CPNE2: variants seen among roughly 807,000 people sequenced by gnomAD.
CPNE2 encodes copine-2.
CPNE2 carries 42 observed loss-of-function variants against 69.7 expected under a neutral mutation model. The ratio of observed to expected loss-of-function variants is 0.60; its 90% CI spans 0.47 to 0.78. The LOEUF is 0.78. Ranked by LOEUF, CPNE2 falls within the 30% of genes least tolerant of loss-of-function variation. The pLI, the probability that CPNE2 is intolerant of heterozygous loss-of-function variation, is 0.00. For synonymous variants in CPNE2, 294 were observed against 289.8 expected, an observed-to-expected ratio of 1.01 and a Z score of -0.15; for missense variants, 587 against 732.0, an observed-to-expected ratio of 0.80 and a Z score of 2.29.
chr16:57,126,476 C>T (rs2069802067), intron 11 of CPNE2, among the ~76,000 whole-genome samples: 1 of 151,230 alleles, frequency 6.6e-6, no homozygotes, highest in Non-Finnish European at 1.5e-5. Context: ...CCTCCCATGA[C>T]CTTGCTTCCT....
intron 11 of CPNE2, 23 bp downstream of exon 11, chr16:57,126,016 A>G: frequency 6.2e-7 from 1 of 1,613,316 alleles, no homozygotes; most frequent in Non-Finnish European, 8.5e-7. Context: ...AGGGGCTCTG[A>G]AGGTCAGCTA....
intron 5 of CPNE2, 98 bp downstream of exon 5, chr16:57,117,665 A>C (rs2069729847): frequency 1.0e-5 from 14 of 1,362,654 alleles, no homozygotes; most frequent in Non-Finnish European, 1.1e-5. Flanking sequence ...CACCACCTCC[A>C]TCACATTCTA....
chr16:57,115,214 A>G (rs564768538), intron 3 of CPNE2, among the ~76,000 whole-genome samples: 14 of 152,256 alleles, frequency 9.2e-5, no homozygotes, highest in South Asian at 6.2e-4. Flanking sequence ...GCCTTTTCCT[A>G]GGGGCAAACC....
At chr16:57,123,544 C>T in intron 10 of CPNE2, 71 bp downstream of exon 10, 1 of 1,502,076 alleles carries the variant, frequency 6.7e-7, no homozygotes, top group Non-Finnish European at 9.2e-7. Context: ...ACTTGGGCCA[C>T]TAGTGCAGCC....
intron 1 of CPNE2, among the ~76,000 whole-genome samples, chr16:57,098,703 T>C (rs1196042900): frequency 6.6e-6 from 1 of 152,232 alleles, no homozygotes; most frequent in African/African-American, 2.4e-5. Flanking sequence ...ATGGTTCCTC[T>C]TCCTCTCACC....
At chr16:57,138,562 G>A (rs1259647194) in intron 14 of CPNE2, among the ~76,000 whole-genome samples, 1 of 151,944 alleles carries the variant, frequency 6.6e-6, no homozygotes. Context: ...TGTGTTCCTC[G>A]AGCACTCCTA....
At chr16:57,121,604 A>G (rs763250365) in intron 8 of CPNE2, 70 bp from the exon 9 acceptor site, 20 of 1,456,942 alleles carry the variant, frequency 1.4e-5, no homozygotes, top group Non-Finnish European at 1.9e-5. Context: ...AAGGGATTCT[A>G]GGGCCAAGGA....
In CPNE2 at chr16:57,115,487, C is replaced by A; in HGVS notation, c.372C>A (p.Ser124Arg). Residue 124 changes from serine to arginine, a missense_variant, in exon 4 of 16, where the codon AGC becomes AGA. Ser to Arg is a moderately radical substitution (Grantham distance 110, BLOSUM62 -1). Around this residue, in one of 5 missense-constraint regions of CPNE2, gnomAD observed 269 missense variants for 300.5 expected, o/e 0.90. Coordinates refer to ENST00000290776, the MANE Select transcript of CPNE2 (RefSeq NM_152727.6). The part of the protein sequence containing the change: ...FSCSLGTIVS[S>R]KKITRPLLLL... ...CCTCTCTCCCCTAGATCGTCTCCAG[C>A]AAGAAGATCACTAGGCCTCTGCTGC... The A allele has an allele frequency of 1.2e-6, 2 of 1,612,072 alleles. No individual in the cohort carries two copies. The highest frequency in any genetic ancestry group is 1.7e-6 in the Non-Finnish European group (2 of 1,178,930).
intron 2 of CPNE2, among the ~76,000 whole-genome samples, chr16:57,111,218 C>T (rs2069679957): frequency 6.6e-6 from 1 of 151,244 alleles, no homozygotes; most frequent in South Asian, 2.1e-4. Flanking sequence ...TCTCTGTCCC[C>T]CAGGCTGGAG....
At chr16:57,115,348 C>T (rs896845079) in intron 3 of CPNE2, 128 bp from the exon 4 acceptor site, 9 of 691,432 alleles carry the variant, frequency 1.3e-5, no homozygotes, top group African/African-American at 5.4e-5. Context: ...GATGCTCAGG[C>T]GGGTCACCAG....
intron 1 of CPNE2, among the ~76,000 whole-genome samples, chr16:57,096,099 C>A (rs1449364488): frequency 2.0e-5 from 3 of 152,248 alleles, no homozygotes; most frequent in Non-Finnish European, 4.4e-5. Context: ...CTCTTTGCAG[C>A]CTCCTGTTAA....
intron 12 of CPNE2, among the ~76,000 whole-genome samples, chr16:57,131,422 G>T (rs2069837632): frequency 1.3e-5 from 2 of 152,210 alleles, no homozygotes; most frequent in East Asian, 3.9e-4. Flanking sequence ...TGTGGTGTGA[G>T]GCTACGCCTC....
At chr16:57,115,688 T>A (rs1191486330) in intron 4 of CPNE2, 138 bp downstream of exon 4, 1 of 593,440 alleles carries the variant, frequency 1.7e-6, no homozygotes, top group Non-Finnish European at 2.9e-6. Context: ...TAGCAACAGG[T>A]CTCTTAGCAA....
At chr16:57,112,077 G>A (rs142028032) in intron 2 of CPNE2, among the ~76,000 whole-genome samples, 1 of 152,278 alleles carries the variant, frequency 6.6e-6, no homozygotes, top group East Asian at 1.9e-4. Context: ...ATTTAACTAG[G>A]CCACGGTGGG....
chr16:57,134,645 C>G lies in CPNE2; in HGVS notation c.1117-130C>G, dbSNP rs542977026. The stretch of plus-strand genomic sequence containing the variant: ...AGCAGATGTGGGGGGTATCAGTGGC[C>G]TAGAGGAGGGTAGGGGTGGGGGTTA... On this transcript the variant is annotated intron_variant, in intron 12 of 15. Coordinates refer to ENST00000290776, the MANE Select transcript of CPNE2 (RefSeq NM_152727.6). 6.2e-4 allele frequency: 583 copies of G among 933,522 alleles called. 1 individual carries two copies. The African/African-American group carries it at 8.3e-3, about 13-fold the overall frequency. 57.8% of individuals were successfully genotyped at this position (933,522 alleles called of 1,614,324 possible).
chr16:57,147,251 C>T lies in CPNE2; in HGVS notation c.1540-300C>T, dbSNP rs555862538. 15 of 296,622 alleles carry T rather than the reference C, an allele frequency of 5.1e-5. No homozygotes were observed. The South Asian group carries it at 7.9e-4, about 16-fold the overall frequency. The allele number at this position is 296,622 out of a possible 1,614,324, so 18.4% of individuals were successfully genotyped here. A position where few individuals can be genotyped will look rare whatever the true frequency, so the allele number is the denominator to read the frequency against. On this transcript the variant is annotated intron_variant, in intron 15 of 15. Transcript: ENST00000290776. ...AAGAAGGTGCTCAGGAGATGTTTGC[C>T]GGACACATAGGTGCTTCCCGCAGAC...
chr16:57,124,476 G>T, intron 10 of CPNE2: 1 of 419,892 alleles, frequency 2.4e-6, no homozygotes, highest in Non-Finnish European at 4.9e-6. Flanking sequence ...GAATGTGAGT[G>T]CTTTTAAGTG....
intron 1 of CPNE2, among the ~76,000 whole-genome samples, chr16:57,100,395 G>A (rs2145234005): frequency 6.6e-6 from 1 of 152,258 alleles, no homozygotes. Flanking sequence ...AGCTTCATCA[G>A]GGAACCTGGA....
At chr16:57,121,013 G>T in intron 7 of CPNE2, 80 bp from the exon 8 acceptor site, 2 of 1,021,670 alleles carry the variant, frequency 2.0e-6, no homozygotes, top group Non-Finnish European at 2.9e-6. Flanking sequence ...AAGACAGAGG[G>T]TTTGCTTGGG....
Sources: gnomAD v4.1 joint callset for allele counts (sites outside exome capture counted in the v4.1 genomes callset) on GRCh38, gnomAD v4.1.1 for gene constraint, gnomAD v4.1.1 regional missense constraint, MANE v1.5 for transcripts, NCBI Gene and HGNC (gene_info 2026-07-23, HGNC 2026-07-21) for gene names.